The following ERC1 variants were observed in gnomAD, a reference collection of about 807,000 sequenced individuals.
ERC1 encodes ELKS/RAB6-interacting/CAST family member 1.
Under a neutral mutation model 132.0 loss-of-function variants are expected in ERC1, and 56 were observed. The observed-to-expected ratio is 0.42, with a 90% CI of 0.34 to 0.53. The LOEUF is 0.53. Among genes scored for constraint, ERC1 ranks in the 20% least tolerant of loss-of-function variants. The pLI, the probability that ERC1 is intolerant of heterozygous loss-of-function variation, is 0.03. For synonymous variants in ERC1, 478 were observed against 476.1 expected (o/e 1.00, Z -0.05); for missense variants, 1,202 against 1,349.9 (o/e 0.89, Z 1.72).
At chr12:1,346,777 C>A (rs1184393912) in intron 15 of ERC1, among the ~76,000 whole-genome samples, 15 of 150,932 alleles carry the variant, frequency 9.9e-5, no homozygotes, top group African/African-American at 3.7e-4. Context: ...CCCGTCTCTA[C>A]TAAAAATACA....
chr12:1,234,155 A>G (rs1268342638), intron 12 of ERC1, among the ~76,000 whole-genome samples: 2 of 152,236 alleles, frequency 1.3e-5, no homozygotes, highest in Non-Finnish European at 2.9e-5. Context: ...AAACAAATAG[A>G]TAAACACACT....
rs1301805212 is a variant in ERC1, at chr12:1,344,062, C to T, written c.2781-27771C>T. ...TTCACCGTGTTAGCCAGGATGGTCT[C>T]GATCTCCTGACCTCGTGATCCCCCC... On this transcript the variant is annotated intron_variant, in intron 15 of 18. Coordinates refer to ENST00000360905, the MANE Select transcript of ERC1 (RefSeq NM_178040.4). Among the ~76,000 whole-genome samples the T allele has an allele frequency of 2.6e-5, 4 of 152,100 alleles. No homozygotes were observed. In the East Asian group the frequency reaches 5.8e-4, roughly 22 times the overall value.
intron 4 of ERC1, 34 bp from the exon 5 acceptor site, chr12:1,110,158 A>C (rs1249822580): frequency 1.3e-6 from 2 of 1,544,934 alleles, no homozygotes; most frequent in African/African-American, 1.4e-5. Context: ...GTTTTTGTGA[A>C]TACTTCAATC....
At chr12:1,220,849 G>A (rs963126155) in intron 12 of ERC1, among the ~76,000 whole-genome samples, 2 of 152,186 alleles carry the variant, frequency 1.3e-5, no homozygotes, top group Non-Finnish European at 2.9e-5. Flanking sequence ...TTAGTGGCCT[G>A]CTGCATCTGT....
At chr12:1,021,266 G>A (rs1225460290) in intron 1 of ERC1, among the ~76,000 whole-genome samples, 4 of 152,164 alleles carry the variant, frequency 2.6e-5, no homozygotes, top group African/African-American at 7.2e-5. Flanking sequence ...TATACACCCT[G>A]TTGAGTGTGC....
chr12:1,011,232 T>C (rs1417889593), intron 1 of ERC1, among the ~76,000 whole-genome samples: 3 of 152,138 alleles, frequency 2.0e-5, no homozygotes, highest in Non-Finnish European at 2.9e-5. Flanking sequence ...AAGGTCTCAC[T>C]CCGTCACCCA....
chr12:1,259,075 A>G (rs866897176), intron 13 of ERC1, among the ~76,000 whole-genome samples: 3 of 148,442 alleles, frequency 2.0e-5, no homozygotes, highest in African/African-American at 7.7e-5. Flanking sequence ...ATATTTTTCA[A>G]TTTTCTTTTG....
At chr12:1,054,073 AAAAG>A (rs1309740431) in intron 2 of ERC1, among the ~76,000 whole-genome samples, 2 of 152,224 alleles carry the variant, frequency 1.3e-5, no homozygotes, top group African/African-American at 4.8e-5. Context: ...GATTCAGAAA[AAAAG>A]AGAGGTTATT....
At chr12:1,018,664 A>ATGTAT (rs1347011568) in intron 1 of ERC1, among the ~76,000 whole-genome samples, 4 of 152,348 alleles carry the variant, frequency 2.6e-5, no homozygotes, top group African/African-American at 9.6e-5. Context: ...TGCTTTTTAA[A>ATGTAT]TGTATATGAA....
Position 1,154,887 on chromosome 12 carries a change from A to C in ERC1, c.1737+13100A>C, listed in dbSNP as rs150135323. ...CCCTACCCCATCCAGAAGGGCTATT[A>C]TTAAAAAGTTAAAAAATAATAGCTG... is the stretch of plus-strand genomic sequence containing the variant. On this transcript the variant is annotated intron_variant, in intron 8 of 18. Transcript: ENST00000360905. 2.6e-3 allele frequency among the ~76,000 whole-genome samples: 389 copies of C among 152,360 alleles called. 1 individual carries two copies. Among genetic ancestry groups the C allele is most frequent in the African/African-American group, 8.2e-3 (339 of 41,594 alleles).
chr12:1,303,320 G>A (rs1194636894), intron 15 of ERC1, among the ~76,000 whole-genome samples: 1 of 152,196 alleles, frequency 6.6e-6, no homozygotes, highest in African/African-American at 2.4e-5. Context: ...TTTCAAAATT[G>A]GAGTCAATCC....
chr12:1,442,128 A>G (rs2093172717), intron 17 of ERC1, among the ~76,000 whole-genome samples: 1 of 152,044 alleles, frequency 6.6e-6, no homozygotes, highest in Admixed American at 6.6e-5. Context: ...GGGTTTCACC[A>G]TGTTGGCCAG....
chr12:1,157,967 A>G (rs1175221166), intron 8 of ERC1, among the ~76,000 whole-genome samples: 1 of 152,176 alleles, frequency 6.6e-6, no homozygotes, highest in African/African-American at 2.4e-5. Flanking sequence ...ATAACACACT[A>G]CCTGGGAGGA....
chr12:1,400,351 T>C (rs1488563012), intron 16 of ERC1, among the ~76,000 whole-genome samples: 1 of 152,222 alleles, frequency 6.6e-6, no homozygotes, highest in Non-Finnish European at 1.5e-5. Context: ...TATAAATATG[T>C]TCTCCCATCC....
rs192633513 is a variant in ERC1, at chr12:1,180,853, G to C, written c.1875+176G>C. Reference sequence around the variant, plus strand: ...TTTTTTAGATGGAGTCTCACTCTGTGCCCAGGCTGGAGTGCAGTGGCGTGA... The same window carrying C: ...TTTTTTAGATGGAGTCTCACTCTGTCCCCAGGCTGGAGTGCAGTGGCGTGA... On this transcript the variant is annotated intron_variant, in intron 9 of 18. Coordinates refer to ENST00000360905, the MANE Select transcript of ERC1 (RefSeq NM_178040.4). 1.7e-3 allele frequency among the ~76,000 whole-genome samples: 241 copies of C among 138,400 alleles called. 5 individuals carry two copies. The highest frequency in any genetic ancestry group is 7.7e-3 in the African/African-American group (220 of 28,468). The allele number at this position is 138,400 out of a possible 152,430, so 90.8% of individuals were successfully genotyped here.
In ERC1 at chr12:1,408,175, C is replaced by T. The variant is rs773896184; in HGVS notation, c.2952C>T (p.Ala984=). 45 of 1,613,756 alleles carry T rather than the reference C, an allele frequency of 2.8e-5. 1 individual carries two copies. The South Asian group carries it at 4.4e-4, about 16-fold the overall frequency. The change falls in exon 17 of 19, where the codon GCC becomes GCT. Residue 984 remains alanine, a synonymous_variant. Transcript: ENST00000360905. The part of the protein sequence containing the change: ...QQTQNRMKLM[A]DNYEDDHFKS... ...CGCAAAATCGAATGAAGCTAATGGC[C>T]GACAACTACGAGGATGACCACTTCA...
chr12:1,063,631 CT>C (rs143642945), intron 2 of ERC1, among the ~76,000 whole-genome samples: 212 of 151,884 alleles, frequency 1.4e-3, no homozygotes, highest in African/African-American at 4.9e-3. Context: ...ATAGTTGAGT[CT>C]TTTTTTAAAA....
At chr12:1,236,146 A>C (rs1233872832) in intron 12 of ERC1, among the ~76,000 whole-genome samples, 1 of 152,190 alleles carries the variant, frequency 6.6e-6, no homozygotes, top group Admixed American at 6.5e-5. Context: ...ATATGTAGCA[A>C]AACAATAATA....
At chr12:1,376,479 A>G (rs930514199) in intron 16 of ERC1, among the ~76,000 whole-genome samples, 4 of 152,190 alleles carry the variant, frequency 2.6e-5, no homozygotes, top group African/African-American at 4.8e-5. Context: ...AGCAGTGACA[A>G]TAATGGCCAC....
Sources: allele counts gnomAD v4.1 joint callset (sites outside exome capture counted in the v4.1 genomes callset), GRCh38; gene constraint gnomAD v4.1.1; transcripts MANE v1.5; gene names NCBI Gene and HGNC (gene_info 2026-07-23, HGNC 2026-07-21).